PLEKHG4B: variants seen among roughly 807,000 people sequenced by gnomAD.
The protein encoded by PLEKHG4B is pleckstrin homology domain-containing family G member 4B.
In PLEKHG4B, 111 loss-of-function variants were observed where a neutral mutation model predicts 121.3. The observed-to-expected ratio is 0.92, with a 90% CI of 0.78 to 1.07. PLEKHG4B has a LOEUF of 1.07. Among genes scored for constraint, PLEKHG4B ranks in the 50% least tolerant of loss-of-function variants. The probability of loss-of-function intolerance (pLI) is 0.00; values close to 1 mark genes in which losing one functional copy is unlikely to be tolerated. For missense variants in PLEKHG4B, 1,831 were observed against 1,757.8 expected (o/e 1.04, Z -0.74); for synonymous variants, 738 against 725.0 (o/e 1.02, Z -0.29).
chr5:103,424 T>C (rs966319905), intron 1 of PLEKHG4B, among the ~76,000 whole-genome samples: 4 of 152,118 alleles, frequency 2.6e-5, no homozygotes, highest in East Asian at 1.9e-4. Context: ...AACCCTGCAA[T>C]GATCAGAGAA....
chr5:142,022 C>T (rs555659188), intron 3 of PLEKHG4B, among the ~76,000 whole-genome samples: 15 of 152,304 alleles, frequency 9.8e-5, no homozygotes, highest in Non-Finnish European at 2.2e-4. Context: ...GAGAGCCTTT[C>T]GCCTTCAAAG....
chr5:101,505 A>G (rs1484714920), intron 1 of PLEKHG4B, among the ~76,000 whole-genome samples: 1 of 128,678 alleles, frequency 7.8e-6, no homozygotes, highest in Admixed American at 7.1e-5. Context: ...AGCCCTGGGA[A>G]AAGCCTGTAG....
intron 1 of PLEKHG4B, among the ~76,000 whole-genome samples, chr5:109,397 CAAAAAAAAAA>C (rs34972342): frequency 6.5e-5 from 4 of 61,838 alleles, no homozygotes; most frequent in Admixed American, 1.6e-4. Context: ...ACTCTGTCTC[CAAAAAAAAAA>C]AAAAAAAAAA....
In PLEKHG4B at chr5:171,294, G is replaced by A. The variant is rs142780630; in HGVS notation, c.3900G>A (p.Ala1300=). 2.5e-5 allele frequency: 40 copies of A among 1,612,214 alleles called. No individual in the cohort carries two copies. The African/African-American group carries it at 2.5e-4, about 10-fold the overall frequency. The change falls in exon 16 of 20, where the codon GCG becomes GCA. Residue 1300 remains alanine, a synonymous_variant. Coordinates refer to ENST00000637938, the MANE Select transcript of PLEKHG4B (RefSeq NM_052909.5). The stretch of plus-strand genomic sequence containing the variant: ...CCGTGCAGCGTGTGGCCAAGTACGC[G>A]CTGCTACTCCAGGACCTGCTCAAGG... ...LRPVQRVAKY[A]LLLQDLLKEA... is the part of the protein sequence containing the mutation.
rs1212003430 is a variant in PLEKHG4B at position 135,677 on chromosome 5, AAAAAAATATATATATATATAT to A, written c.244-3804_244-3784del. Reference sequence around the variant, plus strand: ...CAAGACTCCATCTCAAAAAAAAAAAAAAAAAATATATATATATATATATATATATATATATATATATATATA... The same window carrying A: ...CAAGACTCCATCTCAAAAAAAAAAAAATATATATATATATATATATATATA... On this transcript the variant is annotated intron_variant, in intron 2 of 19. Transcript: ENST00000637938. 7.0e-3 allele frequency among the ~76,000 whole-genome samples: 510 copies of A among 72,520 alleles called. 20 individuals are homozygous for A. Among genetic ancestry groups the A allele is most frequent in the Middle Eastern group, 0.026 (4 of 156 alleles). 47.6% of individuals were successfully genotyped at this position (72,520 alleles called of 152,430 possible).
At chr5:167,535 A>G (rs1736392240) in intron 13 of PLEKHG4B, among the ~76,000 whole-genome samples, 1 of 152,306 alleles carries the variant, frequency 6.6e-6, no homozygotes, top group East Asian at 1.9e-4. Context: ...GAGAAAAGCA[A>G]CGCACCTCAC....
intron 13 of PLEKHG4B, among the ~76,000 whole-genome samples, chr5:167,191 C>T (rs750149552): frequency 1.3e-5 from 2 of 152,168 alleles, no homozygotes; most frequent in Non-Finnish European, 2.9e-5. Flanking sequence ...TTGTGTGGGT[C>T]GTGACACTGG....
At chr5:169,242 C>T (rs1736454276) in intron 13 of PLEKHG4B, 98 bp from the exon 14 acceptor site, 1 of 1,511,836 alleles carries the variant, frequency 6.6e-7, no homozygotes, top group African/African-American at 1.4e-5. Context: ...CCTGCTCATC[C>T]CTCCGGGTTT....
At chr5:134,982 G>T (rs1040473285) in intron 2 of PLEKHG4B, among the ~76,000 whole-genome samples, 1 of 151,864 alleles carries the variant, frequency 6.6e-6, no homozygotes, top group Non-Finnish European at 1.5e-5. Flanking sequence ...CAGGTCAGGA[G>T]ATCGAGACCA....
Position 182,396 on chromosome 5 carries a change from C to T in PLEKHG4B, c.*73C>T. On this transcript the variant is annotated 3_prime_UTR_variant, in exon 20 of 20. Transcript: ENST00000637938. ...GGGAGCAGCACGCCAGGCCTGATGA[C>T]TCTGGGGGTGGCGGTGCCCATCGCG... 6.9e-7 allele frequency: 1 copy of T among 1,456,582 alleles called. No individual in the cohort carries two copies. Among genetic ancestry groups the T allele is most frequent in the Non-Finnish European group, 9.2e-7 (1 of 1,088,108 alleles). 90.2% of individuals were successfully genotyped at this position (1,456,582 alleles called of 1,614,324 possible). A position where few individuals can be genotyped will look rare whatever the true frequency, so the allele number is the denominator to read the frequency against.
At chr5:106,414 A>C (rs1394229531) in intron 1 of PLEKHG4B, among the ~76,000 whole-genome samples, 1 of 152,164 alleles carries the variant, frequency 6.6e-6, no homozygotes, top group Non-Finnish European at 1.5e-5. Flanking sequence ...TTTAGATTTC[A>C]TGATAGAAAT....
chr5:166,679 G>A (rs899876306), intron 13 of PLEKHG4B, among the ~76,000 whole-genome samples: 1 of 152,146 alleles, frequency 6.6e-6, no homozygotes, highest in African/African-American at 2.4e-5. Context: ...CCACAGATGG[G>A]TACCAGTCGG....
At chr5:127,541 G>A (rs898089386) in intron 2 of PLEKHG4B, among the ~76,000 whole-genome samples, 2 of 151,816 alleles carry the variant, frequency 1.3e-5, no homozygotes, top group African/African-American at 4.8e-5. Flanking sequence ...GCTCACAAAA[G>A]GGGAAAAGAC....
chr5:117,453 A>G (rs1485173123), intron 2 of PLEKHG4B, among the ~76,000 whole-genome samples: 3 of 152,220 alleles, frequency 2.0e-5, no homozygotes, highest in Admixed American at 6.5e-5. Flanking sequence ...CCCTCAGCCA[A>G]TAAATGACAT....
chr5:124,248 G>C (rs1024038841), intron 2 of PLEKHG4B, among the ~76,000 whole-genome samples: 1 of 152,020 alleles, frequency 6.6e-6, no homozygotes, highest in Non-Finnish European at 1.5e-5. Flanking sequence ...GACTTAATTT[G>C]TGGCCTAACA....
rs960069000 is a variant in PLEKHG4B at position 114,537 on chromosome 5, G to A, written c.243+1089G>A. Among the ~76,000 whole-genome samples the A allele has an allele frequency of 1.6e-4, 24 of 151,868 alleles. 1 individual carries two copies. Among genetic ancestry groups the A allele is most frequent in the African/African-American group, 4.6e-4 (19 of 41,328 alleles). ...CAGTGGTGCAATCTCAGCTCACTGCGACCTCCGCCACCCAGGTTCAAGCAA... is the reference window on the plus strand; with the variant it reads ...CAGTGGTGCAATCTCAGCTCACTGCAACCTCCGCCACCCAGGTTCAAGCAA... On this transcript the variant is annotated intron_variant, in intron 2 of 19. Transcript: ENST00000637938.
intron 2 of PLEKHG4B, among the ~76,000 whole-genome samples, chr5:128,273 C>T (rs1734679075): frequency 6.6e-6 from 1 of 152,118 alleles, no homozygotes; most frequent in Non-Finnish European, 1.5e-5. Context: ...GGCAAAGAAA[C>T]GTATTTTGCA....
At chr5:112,469 C>T (rs1212887366) in intron 1 of PLEKHG4B, among the ~76,000 whole-genome samples, 1 of 152,204 alleles carries the variant, frequency 6.6e-6, no homozygotes, top group Non-Finnish European at 1.5e-5. Context: ...CCTTGCAGTT[C>T]TTTTCTACAG....
chr5:123,370 A>G (rs912680999), intron 2 of PLEKHG4B, among the ~76,000 whole-genome samples: 76 of 152,166 alleles, frequency 5.0e-4, no homozygotes, highest in African/African-American at 1.7e-3. Context: ...CTTTTGTCTG[A>G]TATCTTGGTA....
Sources: gnomAD v4.1 joint callset for allele counts (sites outside exome capture counted in the v4.1 genomes callset) on GRCh38, gnomAD v4.1.1 for gene constraint, MANE v1.5 for transcripts, NCBI Gene and HGNC (gene_info 2026-07-23, HGNC 2026-07-21) for gene names.